ANO3: variants seen among roughly 807,000 people sequenced by gnomAD.
The protein encoded by ANO3 is anoctamin 3.
A neutral mutation model predicts 144.8 loss-of-function variants in ANO3; 99 were observed. That is an observed-to-expected ratio of 0.68 (90% CI 0.58 to 0.81). The LOEUF (loss-of-function observed/expected upper bound fraction) is 0.81. Ranked by LOEUF, ANO3 falls within the 30% of genes least tolerant of loss-of-function variation. The probability of loss-of-function intolerance (pLI) is 0.00; values close to 1 mark genes in which losing one functional copy is unlikely to be tolerated. For synonymous variants in ANO3, 414 were observed against 392.6 expected (o/e 1.05, Z -0.64); for missense variants, 905 against 1,202.2 (o/e 0.75, Z 3.66).
At chr11:26,206,824 C>G (rs35093706) in intron 1 of ANO3, among the ~76,000 whole-genome samples, 45,501 of 152,062 alleles carry the variant, frequency 0.3, 7,627 homozygotes, top group Non-Finnish European at 0.37. Flanking sequence ...TTTTGCTTCA[C>G]TAATTTAAAA....
At chr11:26,478,269 A>T (rs908113270) in intron 4 of ANO3, among the ~76,000 whole-genome samples, 5 of 152,180 alleles carry the variant, frequency 3.3e-5, no homozygotes, top group African/African-American at 1.2e-4. Flanking sequence ...GAGCCCCAGT[A>T]TCTCATAACC....
intron 1 of ANO3, among the ~76,000 whole-genome samples, chr11:26,233,723 A>G (rs933758881): frequency 5.3e-5 from 8 of 152,242 alleles, no homozygotes; most frequent in African/African-American, 1.9e-4. Flanking sequence ...CTGGATAAAG[A>G]AAATGTGGCA....
chr11:26,269,507 T>C (rs1350696796), intron 1 of ANO3, among the ~76,000 whole-genome samples: 2 of 152,084 alleles, frequency 1.3e-5, no homozygotes, highest in Non-Finnish European at 2.9e-5. Flanking sequence ...TGGGGGAAAA[T>C]ATGGAATGGG....
At chr11:26,319,678 G>T (rs1435024918) in intron 1 of ANO3, among the ~76,000 whole-genome samples, 1 of 152,128 alleles carries the variant, frequency 6.6e-6, no homozygotes, top group Admixed American at 6.5e-5. Flanking sequence ...AGGTATCATG[G>T]CTCCTTTTCA....
intron 1 of ANO3, among the ~76,000 whole-genome samples, chr11:26,423,274 G>A (rs1857807326): frequency 6.7e-6 from 1 of 149,408 alleles, no homozygotes; most frequent in Non-Finnish European, 1.5e-5. Flanking sequence ...GGTTCCTTGT[G>A]GGTGGTTTTA....
chr11:26,646,867 G>T (rs1270679693), intron 23 of ANO3, among the ~76,000 whole-genome samples: 1 of 151,920 alleles, frequency 6.6e-6, no homozygotes, highest in Non-Finnish European at 1.5e-5. Flanking sequence ...ACTCAAATAT[G>T]ATTTTTATCG....
At chr11:26,353,803 C>T (rs914845880) in intron 1 of ANO3, among the ~76,000 whole-genome samples, 4 of 152,032 alleles carry the variant, frequency 2.6e-5, no homozygotes, top group Non-Finnish European at 5.9e-5. Flanking sequence ...CTCCTGACCT[C>T]GTGATCCGCC....
chr11:26,605,856 C>A (rs1851920754), intron 17 of ANO3, among the ~76,000 whole-genome samples: 1 of 146,748 alleles, frequency 6.8e-6, no homozygotes, highest in African/African-American at 2.5e-5. Context: ...GGCTAGCAGT[C>A]TATTTTGTTA....
chr11:26,562,968 T>A (rs1850352333), intron 14 of ANO3: 1 of 1,156,616 alleles, frequency 8.6e-7, no homozygotes, highest in Non-Finnish European at 1.1e-6. Context: ...TGTTCTTTGA[T>A]AAACAGAAGG....
chr11:26,475,231 G>C (rs1484048979), intron 4 of ANO3, among the ~76,000 whole-genome samples: 1 of 151,230 alleles, frequency 6.6e-6, no homozygotes, highest in Non-Finnish European at 1.5e-5. Flanking sequence ...ATTTACATTT[G>C]CTTCATGATT....
intron 14 of ANO3, among the ~76,000 whole-genome samples, chr11:26,595,645 A>G (rs1851602688): frequency 6.6e-6 from 1 of 152,018 alleles, no homozygotes; most frequent in Non-Finnish European, 1.5e-5. Context: ...GGGAGGAACC[A>G]TCTGTCGTCC....
chr11:26,237,477 T>A (rs1852560495), intron 1 of ANO3, among the ~76,000 whole-genome samples: 1 of 151,940 alleles, frequency 6.6e-6, no homozygotes, highest in Admixed American at 6.6e-5. Context: ...CAACATATTT[T>A]ATGTAATTTC....
intron 1 of ANO3, among the ~76,000 whole-genome samples, chr11:26,240,841 A>G (rs567935549): frequency 1.3e-5 from 2 of 152,040 alleles, no homozygotes; most frequent in African/African-American, 2.4e-5. Context: ...TATTCCTCAG[A>G]CTCTCTTAAT....
chr11:26,481,269 A>G (rs1301599605), intron 4 of ANO3, among the ~76,000 whole-genome samples: 2 of 152,128 alleles, frequency 1.3e-5, no homozygotes, highest in Admixed American at 6.6e-5. Context: ...CCTTAGGGAA[A>G]GGAGAGATGA....
intron 1 of ANO3, among the ~76,000 whole-genome samples, chr11:26,411,728 A>T (rs973088315): frequency 2.7e-5 from 4 of 149,680 alleles, no homozygotes; most frequent in African/African-American, 9.8e-5. Context: ...GAATCCATCC[A>T]TTTTTTTTTT....
intron 1 of ANO3, among the ~76,000 whole-genome samples, chr11:26,262,501 C>A (rs1853212679): frequency 6.6e-6 from 1 of 152,096 alleles, no homozygotes; most frequent in South Asian, 2.1e-4. Flanking sequence ...GGATGACAAT[C>A]ATTGACATTA....
At chr11:26,446,628 A>G (rs1180866630) in intron 3 of ANO3, among the ~76,000 whole-genome samples, 5 of 152,196 alleles carry the variant, frequency 3.3e-5, no homozygotes, top group African/African-American at 9.7e-5. Context: ...CCAGCCAGCC[A>G]TTGGTCAAAT....
intron 20 of ANO3, among the ~76,000 whole-genome samples, chr11:26,635,593 A>G (rs974042676): frequency 2.0e-5 from 3 of 152,136 alleles, no homozygotes; most frequent in Non-Finnish European, 2.9e-5. Context: ...TGGGCCTCCA[A>G]ATGCCACCCC....
intron 1 of ANO3, among the ~76,000 whole-genome samples, chr11:26,441,044 A>G (rs1208577057): frequency 6.7e-6 from 1 of 148,444 alleles, no homozygotes; most frequent in Non-Finnish European, 1.5e-5. Context: ...GACTCTGTGC[A>G]TGAGGGAAGT....
Sources: gnomAD v4.1 joint callset for allele counts (sites outside exome capture counted in the v4.1 genomes callset) on GRCh38, gnomAD v4.1.1 for gene constraint, MANE v1.5 for transcripts, NCBI Gene and HGNC (gene_info 2026-07-23, HGNC 2026-07-21) for gene names.